Variants in GUCY2F observed in about 807,000 individuals in gnomAD.
GUCY2F encodes the protein retinal guanylyl cyclase 2.
In GUCY2F, 61 loss-of-function variants were observed where a neutral mutation model predicts 73.1. The ratio of observed to expected loss-of-function variants is 0.83; its 90% confidence interval spans 0.68 to 1.03. The LOEUF (loss-of-function observed/expected upper bound fraction) is 1.03. GUCY2F is among the 50% of genes least tolerant of loss of function. GUCY2F has a pLI of 0.00. For synonymous variants in GUCY2F, 331 were observed against 307.8 expected, an observed-to-expected ratio of 1.08 and a Z score of -0.79; for missense variants, 912 against 854.3, an observed-to-expected ratio of 1.07 and a Z score of -0.84.
At chrX:109,467,167 G>T (rs945565035) in intron 2 of GUCY2F, among the ~76,000 whole-genome samples, 2 of 112,344 alleles carry the variant, frequency 1.8e-5, no homozygotes, top group East Asian at 2.8e-4. Context: ...AAAATGGAGT[G>T]CCAGAGATGT....
In GUCY2F at chrX:109,459,817, C is replaced by A. The variant is rs995407087; in HGVS notation, c.1032+5325G>T. Among the ~76,000 whole-genome samples the A allele has an allele frequency of 4.5e-5, 5 of 111,543 alleles. No individual in the cohort carries two copies. In the East Asian group the frequency reaches 1.4e-3, roughly 31 times the overall value. ...CACTTGTCAACATATCCATCATGCA[C>A]ATAAACCTTCAAATCTGCAGACATC... is the stretch of plus-strand genomic sequence containing the variant. On this transcript the variant is annotated intron_variant, in intron 3 of 19. Coordinates refer to ENST00000218006, the MANE Select transcript of GUCY2F (RefSeq NM_001522.3).
chrX:109,392,828 C>CTTT, intron 13 of GUCY2F, 64 bp downstream of exon 13: 4 of 606,262 alleles, frequency 6.6e-6, no homozygotes, highest in Non-Finnish European at 7.3e-6. Context: ...TTTTCTTTCT[C>CTTT]TTTTTTTTTT....
chrX:109,459,640 C>T (rs770608495), intron 3 of GUCY2F, among the ~76,000 whole-genome samples: 7 of 111,569 alleles, frequency 6.3e-5, no homozygotes, highest in Non-Finnish European at 1.1e-4. Context: ...ACATTGCTTC[C>T]GGAATACTGA....
At chrX:109,428,854 T>C (rs1014915822) in intron 8 of GUCY2F, among the ~76,000 whole-genome samples, 1 of 112,145 alleles carries the variant, frequency 8.9e-6, no homozygotes, top group Non-Finnish European at 1.9e-5. Flanking sequence ...TGCTGAATCT[T>C]TGAATTATTA....
intron 7 of GUCY2F, among the ~76,000 whole-genome samples, chrX:109,430,795 G>A (rs758051814): frequency 9.0e-6 from 1 of 111,719 alleles, no homozygotes; most frequent in African/African-American, 3.3e-5. Flanking sequence ...GCCTTGAGGC[G>A]TCTGTAGAGG....
chrX:109,393,924 A>C (rs1419945981), intron 12 of GUCY2F, among the ~76,000 whole-genome samples: 1 of 112,260 alleles, frequency 8.9e-6, no homozygotes, highest in African/African-American at 3.2e-5. Flanking sequence ...TAGCTGGGCC[A>C]CACATGCTCC....
chrX:109,373,943 T>C (rs1219061854), intron 19 of GUCY2F, among the ~76,000 whole-genome samples: 1 of 111,867 alleles, frequency 8.9e-6, no homozygotes, highest in Non-Finnish European at 1.9e-5. Flanking sequence ...ACCAAAGCTG[T>C]GCCCCCTTTC....
intron 9 of GUCY2F, among the ~76,000 whole-genome samples, chrX:109,405,197 T>A (rs1481227440): frequency 8.9e-6 from 1 of 112,001 alleles, no homozygotes; most frequent in African/African-American, 3.2e-5. Flanking sequence ...AGCATGTATA[T>A]TTAACAAACA....
intron 8 of GUCY2F, among the ~76,000 whole-genome samples, chrX:109,421,110 T>C (rs1253159908): frequency 1.8e-5 from 2 of 111,854 alleles, no homozygotes; most frequent in African/African-American, 6.5e-5. Context: ...AAATAAGTGT[T>C]GGCAAACATG....
At chrX:109,398,481 A>C in intron 11 of GUCY2F, 68 bp downstream of exon 11, 1 of 992,078 alleles carries the variant, frequency 1.0e-6, no homozygotes, top group South Asian at 2.2e-5. Flanking sequence ...AAATCATGAC[A>C]GCCTGAGTTG....
At chrX:109,410,683 T>C (rs1459972798) in intron 8 of GUCY2F, among the ~76,000 whole-genome samples, 1 of 112,245 alleles carries the variant, frequency 8.9e-6, no homozygotes. Flanking sequence ...TTGTGAAATG[T>C]GTTCTGAAAA....
Position 109,440,525 on chromosome X carries a change from T to C in GUCY2F, c.1701+826A>G, listed in dbSNP as rs1358923806. Reference sequence around the variant, plus strand: ...ATGTGGTTGACAATCTAAAAACTCATTCTGTCCTGTTTTGGACTTTCTTTG... The same window carrying C: ...ATGTGGTTGACAATCTAAAAACTCACTCTGTCCTGTTTTGGACTTTCTTTG... On this transcript the variant is annotated intron_variant, in intron 7 of 19. Coordinates refer to ENST00000218006, the MANE Select transcript of GUCY2F (RefSeq NM_001522.3). Among the ~76,000 whole-genome samples, 3 of 112,344 alleles carry C rather than the reference T, an allele frequency of 2.7e-5. No homozygotes were observed. The East Asian group carries it at 8.3e-4, about 31-fold the overall frequency.
chrX:109,392,168 TA>T lies in GUCY2F; in HGVS notation c.2589-66del, dbSNP rs759971082. On this transcript the variant is annotated intron_variant, in intron 13 of 19. Transcript: ENST00000218006. ...CCCCCTTCATGCCACATACACCTGC[TA>T]AAAATACACCAAATAAACCTCTAAA... 35 of 777,119 alleles carry T rather than the reference TA, an allele frequency of 4.5e-5. No homozygotes were observed. In the African/African-American group the frequency reaches 6.7e-4, roughly 15 times the overall value. 64.0% of individuals were successfully genotyped at this position (777,119 alleles called of 1,213,427 possible). A position where few individuals can be genotyped will look rare whatever the true frequency, so the allele number is the denominator to read the frequency against.
intron 8 of GUCY2F, among the ~76,000 whole-genome samples, chrX:109,424,554 T>G (rs769878108): frequency 1.8e-5 from 2 of 110,886 alleles, no homozygotes; most frequent in East Asian, 5.6e-4. Flanking sequence ...TTTACCCCAA[T>G]GTAAACTATG....
At chrX:109,385,899 G>A (rs1434527314) in intron 15 of GUCY2F, among the ~76,000 whole-genome samples, 1 of 111,828 alleles carries the variant, frequency 8.9e-6, no homozygotes, top group Non-Finnish European at 1.9e-5. Context: ...TTCAGCAGCC[G>A]TACTGAAAAG....
At chrX:109,406,794 C>G (rs1930982492) in intron 9 of GUCY2F, among the ~76,000 whole-genome samples, 1 of 111,675 alleles carries the variant, frequency 9.0e-6, no homozygotes, top group Admixed American at 9.5e-5. Context: ...AAGATTTCCA[C>G]TTTTGCTGCT....
chrX:109,439,077 G>T (rs1220702483), intron 7 of GUCY2F, among the ~76,000 whole-genome samples: 1 of 112,024 alleles, frequency 8.9e-6, no homozygotes, highest in Non-Finnish European at 1.9e-5. Context: ...GCACCGCGTG[G>T]ATACTACCGA....
At chrX:109,430,717 A>G (rs1346752366) in intron 7 of GUCY2F, among the ~76,000 whole-genome samples, 2 of 112,332 alleles carry the variant, frequency 1.8e-5, no homozygotes, top group Non-Finnish European at 3.8e-5. Flanking sequence ...TCACTTTTTC[A>G]TAGCTAAATG....
chrX:109,438,294 T>G (rs1381863292), intron 7 of GUCY2F, among the ~76,000 whole-genome samples: 5 of 112,081 alleles, frequency 4.5e-5, no homozygotes, highest in African/African-American at 1.6e-4. Flanking sequence ...GAATACAGAA[T>G]AGCAAGCTAG....
Sources: gnomAD v4.1 joint callset for allele counts (sites outside exome capture counted in the v4.1 genomes callset) on GRCh38, gnomAD v4.1.1 for gene constraint, MANE v1.5 for transcripts, NCBI Gene and HGNC (gene_info 2026-07-23, HGNC 2026-07-21) for gene names.